Variants in SLC39A12 observed in about 807,000 individuals in gnomAD.
SLC39A12 encodes the protein solute carrier family 39 member 12.
A neutral mutation model predicts 71.1 loss-of-function variants in SLC39A12; 63 were observed. That is an observed-to-expected ratio of 0.89 (90% CI 0.72 to 1.09). SLC39A12 has a LOEUF of 1.09. Ranked by LOEUF, SLC39A12 falls within the 50% of genes least tolerant of loss-of-function variation. The pLI is 0.00. For synonymous variants in SLC39A12, 351 were observed against 301.3 expected, an observed-to-expected ratio of 1.16 and a Z score of -1.71; for missense variants, 892 against 812.6, an observed-to-expected ratio of 1.10 and a Z score of -1.19.
In SLC39A12 at chr10:18,008,543, C is replaced by T. The variant is rs79565628; in HGVS notation, c.1947+5185C>T. On this transcript the variant is annotated intron_variant, in intron 12 of 12. Transcript: ENST00000377369. ...TGCTTGAATCATCCTGAAACTATCA[C>T]CCTCACCTCCAACCGTCGGTCCACG... The T allele has an allele frequency of 9.2e-5, 14 of 152,270 alleles. No homozygotes were observed. The East Asian group carries it at 2.7e-3, about 29-fold the overall frequency. The allele number at this position is 152,270 out of a possible 1,614,324, so 9.4% of individuals were successfully genotyped here.
At position 18,006,425 on chromosome 10, in the gene SLC39A12, G is replaced by A. The variant is rs370954974; in HGVS notation, c.1947+3067G>A. 1.9e-4 allele frequency among the ~76,000 whole-genome samples: 29 copies of A among 152,362 alleles called. No individual in the cohort carries two copies. The South Asian group carries it at 4.1e-3, about 22-fold the overall frequency. On this transcript the variant is annotated intron_variant, in intron 12 of 12. Coordinates refer to ENST00000377369, the MANE Select transcript of SLC39A12 (RefSeq NM_001145195.2). ...GAATGAATGCCTCTCTGGGTGGCCA[G>A]AGGAAATTAATGCTCTGTTATGAAG...
rs1391428700 is a variant in SLC39A12, at chr10:17,977,955, G to T, written c.805G>T (p.Glu269Ter). ...LWTRSTCIKN[E>*]KIHQFQRKQN... ...GACCAGAAGTACTTGTATCAAAAAT[G>T]AGAAAATCCATCAATTTCAAAGGAA... The change falls in exon 5 of 13, where the codon GAG (glutamate) becomes TAG (stop). Residue 269 changes from glutamate (E) to a stop codon, truncating the protein, a stop_gained. Coordinates refer to ENST00000377369, the MANE Select transcript of SLC39A12 (RefSeq NM_001145195.2). LOFTEE classifies it high-confidence loss of function. 1.9e-6 allele frequency: 3 copies of T among 1,611,758 alleles called. No homozygotes were observed. The highest frequency in any genetic ancestry group is 2.2e-5 in the South Asian group (2 of 90,636).
intron 12 of SLC39A12, among the ~76,000 whole-genome samples, chr10:18,012,042 T>A (rs1836241589): frequency 6.6e-6 from 1 of 152,190 alleles, no homozygotes; most frequent in Admixed American, 6.5e-5. Flanking sequence ...GTTAAGTTGT[T>A]TATTGAACAT....
At chr10:17,987,432 T>G in intron 6 of SLC39A12, 47 bp from the exon 7 acceptor site, 7 of 1,590,856 alleles carry the variant, frequency 4.4e-6, no homozygotes, top group Non-Finnish European at 6.0e-6. Context: ...GAGGCCGGAA[T>G]GGAGGGCACT....
chr10:17,961,896 C>A, intron 3 of SLC39A12, 34 bp downstream of exon 3: 1 of 1,589,638 alleles, frequency 6.3e-7, no homozygotes, highest in South Asian at 1.2e-5. Context: ...GGCTCTGCTG[C>A]TAAGATACAG....
At chr10:18,010,733 T>C (rs1836191730) in intron 12 of SLC39A12, among the ~76,000 whole-genome samples, 1 of 152,172 alleles carries the variant, frequency 6.6e-6, no homozygotes, top group African/African-American at 2.4e-5. Flanking sequence ...TCTCAGATCA[T>C]ACACACACAT....
At chr10:17,966,995 T>C (rs1371821314) in intron 4 of SLC39A12, among the ~76,000 whole-genome samples, 4 of 152,056 alleles carry the variant, frequency 2.6e-5, no homozygotes, top group African/African-American at 4.8e-5. Context: ...ATTCAGTTAG[T>C]GTTCATGTTT....
At chr10:17,988,285 G>A (rs1322206761) in intron 7 of SLC39A12, among the ~76,000 whole-genome samples, 3 of 152,180 alleles carry the variant, frequency 2.0e-5, no homozygotes, top group Admixed American at 6.5e-5. Flanking sequence ...TCCAGCATGG[G>A]TGACAGAGCG....
intron 4 of SLC39A12, 90 bp downstream of exon 4, chr10:17,965,780 T>C (rs1834810961): frequency 9.6e-7 from 1 of 1,039,566 alleles, no homozygotes; most frequent in Non-Finnish European, 1.4e-6. Context: ...GATGACTGAA[T>C]TCGTTCAGGT....
intron 12 of SLC39A12, among the ~76,000 whole-genome samples, chr10:18,016,316 A>G (rs375536665): frequency 1.3e-5 from 2 of 152,192 alleles, no homozygotes; most frequent in African/African-American, 4.8e-5. Flanking sequence ...TTTTCAGATA[A>G]GCATCTTCAT....
At position 17,987,405 on chromosome 10, in the gene SLC39A12, T is replaced by G. The variant is rs1053883684; in HGVS notation, c.1097-74T>G. On this transcript the variant is annotated intron_variant, in intron 6 of 12. Coordinates refer to ENST00000377369, the MANE Select transcript of SLC39A12 (RefSeq NM_001145195.2). Reference sequence around the variant, plus strand: ...GCTGTTACTGTAAGACCAATTCTTCTGGCATTTTCGCCAGCTGAGGCCGGA... The same window carrying G: ...GCTGTTACTGTAAGACCAATTCTTCGGGCATTTTCGCCAGCTGAGGCCGGA... 2.1e-6 allele frequency: 3 copies of G among 1,404,172 alleles called. No individual in the cohort carries two copies. The Admixed American group carries it at 5.5e-5, about 26-fold the overall frequency. 87.0% of individuals were successfully genotyped at this position (1,404,172 alleles called of 1,614,324 possible). A position where few individuals can be genotyped will look rare whatever the true frequency, so the allele number is the denominator to read the frequency against.
intron 10 of SLC39A12, among the ~76,000 whole-genome samples, chr10:17,996,682 C>G (rs1368560276): frequency 6.6e-6 from 1 of 152,196 alleles, no homozygotes; most frequent in Non-Finnish European, 1.5e-5. Context: ...CTAGTCAGCT[C>G]TAGCGCTGGG....
At chr10:18,016,957 C>T (rs1836402494) in intron 12 of SLC39A12, among the ~76,000 whole-genome samples, 1 of 151,992 alleles carries the variant, frequency 6.6e-6, no homozygotes, top group Non-Finnish European at 1.5e-5. Context: ...AGATGTTTTG[C>T]ACATGTTTTC....
intron 12 of SLC39A12, among the ~76,000 whole-genome samples, chr10:18,037,916 C>T (rs112910308): frequency 0.062 from 8,971 of 145,122 alleles, 369 homozygotes; most frequent in Middle Eastern, 0.14. Flanking sequence ...GCTACGTGGG[C>T]GACTGAGGCA....
chr10:18,017,723 A>G (rs973034143), intron 12 of SLC39A12, among the ~76,000 whole-genome samples: 1 of 152,288 alleles, frequency 6.6e-6, no homozygotes, highest in East Asian at 1.9e-4. Flanking sequence ...GGACTCTGTT[A>G]TATGCCATTG....
chr10:17,995,372 G>A (rs575861488), intron 9 of SLC39A12, among the ~76,000 whole-genome samples: 15 of 152,238 alleles, frequency 9.9e-5, no homozygotes, highest in African/African-American at 3.4e-4. Context: ...CATAATTTAC[G>A]AGTCTGAATT....
At position 17,997,012 on chromosome 10, in the gene SLC39A12, G is replaced by C. The variant is rs1835701849; in HGVS notation, c.1600+1290G>C. ...CACTCTAGTCTGTGCAACAGAGTGA[G>C]ACTCCGTCTCAAAAAAAAAAAAAAA... is the stretch of plus-strand genomic sequence containing the variant. On this transcript the variant is annotated intron_variant, in intron 10 of 12. Transcript: ENST00000377369. Among the ~76,000 whole-genome samples the C allele has an allele frequency of 3.8e-5, 4 of 104,092 alleles. No individual in the cohort carries two copies. The Admixed American group carries it at 5.5e-4, about 14-fold the overall frequency. 68.3% of individuals were successfully genotyped at this position (104,092 alleles called of 152,430 possible). A position where few individuals can be genotyped will look rare whatever the true frequency, so the allele number is the denominator to read the frequency against.
At chr10:17,991,572 A>G (rs1835548854) in intron 8 of SLC39A12, among the ~76,000 whole-genome samples, 1 of 152,176 alleles carries the variant, frequency 6.6e-6, no homozygotes, top group East Asian at 1.9e-4. Context: ...CTGGGGAATG[A>G]AGGGGCCCAA....
At chr10:17,985,268 G>A (rs753202539) in intron 6 of SLC39A12, among the ~76,000 whole-genome samples, 10 of 152,132 alleles carry the variant, frequency 6.6e-5, no homozygotes, top group Non-Finnish European at 1.5e-4. Flanking sequence ...ACTTGAGCCC[G>A]GGAGGTGGAG....
Sources: allele counts gnomAD v4.1 joint callset (sites outside exome capture counted in the v4.1 genomes callset), GRCh38; gene constraint gnomAD v4.1.1; transcripts MANE v1.5; gene names NCBI Gene and HGNC (gene_info 2026-07-23, HGNC 2026-07-21).